Variants in CSTF3 observed in about 807,000 individuals in gnomAD.
CSTF3 encodes cleavage stimulation factor subunit 3, also known as CF-1 77 kDa subunit.
A neutral mutation model predicts 105.8 loss-of-function variants in CSTF3; 29 were observed. The observed-to-expected ratio is 0.27, with a 90% CI of 0.20 to 0.37. CSTF3 has a LOEUF of 0.37. Among genes scored for constraint, CSTF3 ranks in the 10% least tolerant of loss-of-function variants. The pLI is 1.00. For synonymous variants in CSTF3, 252 were observed against 281.9 expected (o/e 0.89, Z 1.06); for missense variants, 357 against 879.3 (o/e 0.41, Z 7.51).
chr11:33,115,111 C>T (rs1227057154), intron 3 of CSTF3, among the ~76,000 whole-genome samples: 2 of 152,116 alleles, frequency 1.3e-5, no homozygotes, highest in South Asian at 2.1e-4. Context: ...AGTCGCATTC[C>T]TAACTTGTTC....
chr11:33,142,064 G>A, intron 1 of CSTF3, 78 bp from the exon 2 acceptor site: 1 of 1,585,466 alleles, frequency 6.3e-7, no homozygotes, highest in Non-Finnish European at 8.6e-7. Context: ...GAACAATAAA[G>A]TCCTCAGATG....
intron 1 of CSTF3, among the ~76,000 whole-genome samples, chr11:33,148,694 CAA>C (rs368373668): frequency 2.9e-5 from 4 of 137,592 alleles, no homozygotes; most frequent in Non-Finnish European, 3.1e-5. Flanking sequence ...GACTCCATCT[CAA>C]AAAAAAAAAA....
At chr11:33,125,974 G>A (rs1163775012) in intron 3 of CSTF3, among the ~76,000 whole-genome samples, 2 of 152,092 alleles carry the variant, frequency 1.3e-5, no homozygotes, top group Non-Finnish European at 2.9e-5. Flanking sequence ...TTCAGTGAGA[G>A]AGCTAATCTG....
chr11:33,101,979 C>T (rs1855285709), intron 10 of CSTF3, among the ~76,000 whole-genome samples, 198 bp downstream of exon 10: 4 of 151,900 alleles, frequency 2.6e-5, no homozygotes, highest in Admixed American at 1.3e-4. Flanking sequence ...ATAAAGCGTT[C>T]ACTGGATGGG....
intron 3 of CSTF3, among the ~76,000 whole-genome samples, chr11:33,134,849 GTTAT>G (rs1450628634): frequency 1.3e-5 from 2 of 152,188 alleles, no homozygotes; most frequent in East Asian, 1.9e-4. Context: ...GAAATAACTG[GTTAT>G]TTGTGAGAAA....
At chr11:33,153,391 T>A (rs1849814612) in intron 1 of CSTF3, among the ~76,000 whole-genome samples, 1 of 152,194 alleles carries the variant, frequency 6.6e-6, no homozygotes, top group South Asian at 2.1e-4. Context: ...TTTCTTTCTA[T>A]ATGAGCTCAT....
At chr11:33,132,133 C>T (rs1855605933) in intron 3 of CSTF3, among the ~76,000 whole-genome samples, 1 of 152,090 alleles carries the variant, frequency 6.6e-6, no homozygotes, top group Admixed American at 6.6e-5. Flanking sequence ...ATCCTAGGGT[C>T]CCCAGATTTC....
At chr11:33,118,779 C>T (rs958896816) in intron 3 of CSTF3, among the ~76,000 whole-genome samples, 1 of 151,380 alleles carries the variant, frequency 6.6e-6, no homozygotes. Context: ...ACATTAATTC[C>T]ATACTGCACA....
intron 3 of CSTF3, chr11:33,140,975 C>T (rs1855704924): frequency 6.6e-6 from 1 of 151,884 alleles, no homozygotes; most frequent in African/African-American, 2.4e-5. Context: ...TTAACATTTT[C>T]CTCCTAACCA....
At chr11:33,159,461 G>C (rs1236217728) in intron 1 of CSTF3, among the ~76,000 whole-genome samples, 1 of 152,000 alleles carries the variant, frequency 6.6e-6, no homozygotes, top group Non-Finnish European at 1.5e-5. Context: ...GCGGGGCATG[G>C]TGGTGGGCGC....
At chr11:33,120,940 A>G (rs376628646) in intron 3 of CSTF3, among the ~76,000 whole-genome samples, 1 of 152,050 alleles carries the variant, frequency 6.6e-6, no homozygotes, top group Non-Finnish European at 1.5e-5. Flanking sequence ...GGTGCTAAGT[A>G]TAATACTATC....
intron 1 of CSTF3, chr11:33,144,976 T>TA (rs1855763050): frequency 6.6e-6 from 1 of 150,878 alleles, no homozygotes; most frequent in South Asian, 1.3e-4. Flanking sequence ...GACCCTGTCT[T>TA]TAAAAAAAAA....
intron 12 of CSTF3, 77 bp from the exon 13 acceptor site, chr11:33,098,841 G>A (rs1855251096): frequency 2.4e-6 from 3 of 1,266,602 alleles, no homozygotes; most frequent in Non-Finnish European, 3.2e-6. Context: ...GAATCCAAAG[G>A]CTATAACCTC....
chr11:33,108,508 T>C, intron 3 of CSTF3, 90 bp from the exon 4 acceptor site: 9 of 960,984 alleles, frequency 9.4e-6, no homozygotes, highest in Non-Finnish European at 1.3e-5. Flanking sequence ...ACTTTGCAAA[T>C]TCATCCCTAT....
chr11:33,161,462 G>T lies in CSTF3; in HGVS notation c.-137C>A, dbSNP rs979479887. 29 of 829,504 alleles carry T rather than the reference G, an allele frequency of 3.5e-5. No homozygotes were observed. In the Admixed American group the frequency reaches 5.7e-4, roughly 16 times the overall value. The allele number at this position is 829,504 out of a possible 1,614,324, so 51.4% of individuals were successfully genotyped here. A position where few individuals can be genotyped will look rare whatever the true frequency, so the allele number is the denominator to read the frequency against. On this transcript the variant is annotated 5_prime_UTR_variant, in exon 1 of 21. Transcript: ENST00000323959. ...CAGACCGCCAACACCAATCGCCACC[G>T]CCCACTCAAATATGAATTAAAATGG...
intron 15 of CSTF3, among the ~76,000 whole-genome samples, chr11:33,093,788 A>T (rs762155106): frequency 2.0e-5 from 3 of 152,146 alleles, no homozygotes; most frequent in Admixed American, 6.5e-5. Context: ...GCTCACTGCA[A>T]CGTCTGTCTC....
At chr11:33,106,171 A>G in intron 5 of CSTF3, 107 bp from the exon 6 acceptor site, 1 of 766,300 alleles carries the variant, frequency 1.3e-6, no homozygotes, top group Non-Finnish European at 2.2e-6. Context: ...CTGCTTTGGG[A>G]GGCCGAGGCA....
intron 3 of CSTF3, among the ~76,000 whole-genome samples, chr11:33,120,195 G>C (rs930299986): frequency 2.0e-5 from 3 of 151,588 alleles, no homozygotes; most frequent in South Asian, 4.1e-4. Flanking sequence ...TAAACAGCAT[G>C]TATCTAGGAT....
intron 3 of CSTF3, among the ~76,000 whole-genome samples, chr11:33,113,683 CT>C (rs371618772): frequency 4.6e-5 from 7 of 151,816 alleles, no homozygotes; most frequent in African/African-American, 1.2e-4. Context: ...CTTCAACTTC[CT>C]TTTTTTTAAT....
Sources: gnomAD v4.1 joint callset for allele counts (sites outside exome capture counted in the v4.1 genomes callset) on GRCh38, gnomAD v4.1.1 for gene constraint, MANE v1.5 for transcripts, NCBI Gene and HGNC (gene_info 2026-07-23, HGNC 2026-07-21) for gene names.